The following GALNT10 variants were observed in gnomAD, a reference collection of about 807,000 sequenced individuals.
GALNT10 encodes the protein polypeptide N-acetylgalactosaminyltransferase 10.
A neutral mutation model predicts 75.0 loss-of-function variants in GALNT10; 41 were observed. That is an observed-to-expected ratio of 0.55 (90% CI 0.43 to 0.71). The LOEUF (loss-of-function observed/expected upper bound fraction) is 0.71, where lower values mean the gene tolerates loss of function less well. GALNT10 is among the 30% of genes least tolerant of loss of function. The pLI is 0.00. For missense variants in GALNT10, 727 were observed against 818.5 expected (o/e 0.89, Z 1.36); for synonymous variants, 302 against 313.0 (o/e 0.96, Z 0.37).
intron 1 of GALNT10, among the ~76,000 whole-genome samples, chr5:154,276,554 G>A (rs1301438332): frequency 6.6e-6 from 1 of 152,152 alleles, no homozygotes; most frequent in Non-Finnish European, 1.5e-5. Flanking sequence ...TCCACTCAAA[G>A]GGGAGGGGAT....
chr5:154,377,971 T>A (rs1755682409), intron 5 of GALNT10, among the ~76,000 whole-genome samples: 2 of 152,218 alleles, frequency 1.3e-5, no homozygotes, highest in African/African-American at 4.8e-5. Context: ...GGCTCGAAGC[T>A]GAGCTTGTAG....
At chr5:154,381,237 C>A (rs149558882) in intron 6 of GALNT10, among the ~76,000 whole-genome samples, 3 of 152,162 alleles carry the variant, frequency 2.0e-5, no homozygotes, top group Non-Finnish European at 4.4e-5. Flanking sequence ...GCTGGACTCA[C>A]AGCATCCTAG....
rs113722055 is a variant in GALNT10, at chr5:154,279,421, A to G, written c.160-15395A>G. 7.2e-3 allele frequency among the ~76,000 whole-genome samples: 1,081 copies of G among 151,022 alleles called. 14 individuals carry two copies. The highest frequency in any genetic ancestry group is 0.025 in the African/African-American group (1,024 of 40,954). On this transcript the variant is annotated intron_variant, in intron 1 of 11. Coordinates refer to ENST00000297107, the MANE Select transcript of GALNT10 (RefSeq NM_198321.4). The stretch of plus-strand genomic sequence containing the variant: ...CAGGTTCAAGTAATTCTCCTGCCTC[A>G]GCCTCCCAAGTAGCTGGGAGTACAG...
intron 1 of GALNT10, among the ~76,000 whole-genome samples, chr5:154,238,390 G>T (rs1753280829): frequency 6.6e-6 from 1 of 151,674 alleles, no homozygotes; most frequent in Admixed American, 6.6e-5. Context: ...ACTTTCTCTG[G>T]TGAAAGCATT....
chr5:154,391,499 C>G (rs1755895934), intron 7 of GALNT10, among the ~76,000 whole-genome samples: 1 of 152,196 alleles, frequency 6.6e-6, no homozygotes, highest in Non-Finnish European at 1.5e-5. Context: ...AAAGTTCTCA[C>G]GTGGAAGTCA....
At chr5:154,346,870 C>T (rs764774551) in intron 4 of GALNT10, among the ~76,000 whole-genome samples, 23 of 152,032 alleles carry the variant, frequency 1.5e-4, no homozygotes, top group African/African-American at 5.6e-4. Flanking sequence ...AACTGGGCTA[C>T]TTTCTCAGAG....
intron 2 of GALNT10, among the ~76,000 whole-genome samples, chr5:154,296,279 G>A (rs1754270436): frequency 1.3e-5 from 2 of 152,156 alleles, no homozygotes; most frequent in African/African-American, 4.8e-5. Context: ...TATTTTTAGT[G>A]GAGTTGGGGT....
chr5:154,305,657 T>A (rs1227157497), intron 3 of GALNT10, among the ~76,000 whole-genome samples: 1 of 152,148 alleles, frequency 6.6e-6, no homozygotes, highest in Non-Finnish European at 1.5e-5. Context: ...AAGGAAGACA[T>A]AGCAATCCTA....
intron 1 of GALNT10, among the ~76,000 whole-genome samples, chr5:154,243,778 G>C (rs946851446): frequency 1.3e-5 from 2 of 152,142 alleles, no homozygotes; most frequent in African/African-American, 4.8e-5. Context: ...CTGTCTAAAG[G>C]CATTTCAAGA....
chr5:154,249,730 T>C (rs1318383054), intron 1 of GALNT10, among the ~76,000 whole-genome samples: 1 of 152,144 alleles, frequency 6.6e-6, no homozygotes, highest in African/African-American at 2.4e-5. Context: ...TCTACCAGTT[T>C]GAGAGACAAA....
chr5:154,357,895 A>G (rs1172978383), intron 4 of GALNT10, among the ~76,000 whole-genome samples: 2 of 152,158 alleles, frequency 1.3e-5, no homozygotes, highest in East Asian at 1.9e-4. Flanking sequence ...GTGCTCCACA[A>G]TTTCTTCATG....
chr5:154,200,572 A>ATG (rs10579400), intron 1 of GALNT10, among the ~76,000 whole-genome samples: 2,007 of 151,770 alleles, frequency 0.013, 41 homozygotes, highest in African/African-American at 0.046. Context: ...TAAAATGTGT[A>ATG]TGTGTGTGTG....
intron 4 of GALNT10, among the ~76,000 whole-genome samples, chr5:154,373,556 A>T (rs1755610354): frequency 6.6e-6 from 1 of 152,180 alleles, no homozygotes; most frequent in Non-Finnish European, 1.5e-5. Context: ...TGGGTGTCAG[A>T]GATAATATAG....
At chr5:154,378,287 G>A (rs1414598306) in intron 5 of GALNT10, among the ~76,000 whole-genome samples, 6 of 151,368 alleles carry the variant, frequency 4.0e-5, no homozygotes, top group Non-Finnish European at 8.8e-5. Flanking sequence ...CTCCCTATGG[G>A]AAGCCACTGT....
chr5:154,409,181 G>A lies in GALNT10; in HGVS notation c.1165-360G>A, dbSNP rs899387838. On this transcript the variant is annotated intron_variant, in intron 8 of 11. Coordinates refer to ENST00000297107, the MANE Select transcript of GALNT10 (RefSeq NM_198321.4). This position sits in a 1 kb window ranked among gnomAD's most constrained non-coding sequence, Gnocchi z 4.5. ...TTTGACCAGCCCCTGCACCGGGGGC[G>A]CCTGTATTCACATTAGCTAGGCTGG... is the stretch of plus-strand genomic sequence containing the variant. Among the ~76,000 whole-genome samples the A allele has an allele frequency of 3.9e-5, 6 of 152,144 alleles. No homozygotes were observed. Among genetic ancestry groups the A allele is most frequent in the Admixed American group, 6.5e-5 (1 of 15,274 alleles).
intron 7 of GALNT10, among the ~76,000 whole-genome samples, chr5:154,397,945 T>C (rs887610131): frequency 6.6e-6 from 1 of 152,278 alleles, no homozygotes; most frequent in Non-Finnish European, 1.5e-5. Context: ...CACTCGTTTC[T>C]TTCCCCCTCA....
intron 1 of GALNT10, among the ~76,000 whole-genome samples, chr5:154,277,141 T>A (rs1308302353): frequency 1.3e-5 from 2 of 152,040 alleles, no homozygotes; most frequent in Non-Finnish European, 2.9e-5. Context: ...CTCATGTATC[T>A]CTGGTCAACT....
chr5:154,225,807 T>A (rs1404496360), intron 1 of GALNT10, among the ~76,000 whole-genome samples: 1 of 152,224 alleles, frequency 6.6e-6, no homozygotes, highest in Non-Finnish European at 1.5e-5. Flanking sequence ...TTCCTTTGGA[T>A]TTTTTTCTCA....
At chr5:154,318,459 A>G (rs1754629896) in intron 3 of GALNT10, among the ~76,000 whole-genome samples, 2 of 152,010 alleles carry the variant, frequency 1.3e-5, no homozygotes, top group East Asian at 1.9e-4. Context: ...ATATATATAT[A>G]TAAAAGACAG....
Sources: gnomAD v4.1 joint callset for allele counts (sites outside exome capture counted in the v4.1 genomes callset) on GRCh38, gnomAD v4.1.1 for gene constraint, Gnocchi (gnomAD v3.1) non-coding constraint, MANE v1.5 for transcripts, NCBI Gene and HGNC (gene_info 2026-07-23, HGNC 2026-07-21) for gene names.